CRACR2A: variants seen among roughly 807,000 people sequenced by gnomAD.
The protein encoded by CRACR2A is calcium release activated channel regulator 2A.
CRACR2A carries 79 observed loss-of-function variants against 90.5 expected under a neutral mutation model. The observed-to-expected ratio is 0.87, with a 90% CI of 0.73 to 1.05. The LOEUF (loss-of-function observed/expected upper bound fraction) is 1.05. CRACR2A is among the 50% of genes least tolerant of loss of function. The pLI is 0.00. For missense variants in CRACR2A, 823 were observed against 897.2 expected, an observed-to-expected ratio of 0.92 and a Z score of 1.06; for synonymous variants, 338 against 356.7, an observed-to-expected ratio of 0.95 and a Z score of 0.59.
At chr12:3,733,990 A>G (rs1221042109) in intron 1 of CRACR2A, among the ~76,000 whole-genome samples, 1 of 15,288 alleles carries the variant, frequency 6.5e-5, no homozygotes, top group Admixed American at 8.6e-4. Context: ...TTTTTTTTTG[A>G]GATGGAGTCT....
chr12:3,744,194 C>A (rs1946573857), intron 1 of CRACR2A, among the ~76,000 whole-genome samples: 1 of 152,222 alleles, frequency 6.6e-6, no homozygotes, highest in African/African-American at 2.4e-5. Context: ...CTCACACTTT[C>A]ATAGTATGTG....
Position 3,696,689 on chromosome 12 carries a change from A to G in CRACR2A, c.228+83T>C, listed in dbSNP as rs1945745229. 4.4e-6 allele frequency: 7 copies of G among 1,581,286 alleles called. No homozygotes were observed. In the South Asian group the frequency reaches 8.0e-5, roughly 18 times the overall value. ...TGGCATCTTTTCTGTTAAGGATGTC[A>G]CCTCCCACGGGGCAAGCTCTAACCC... On this transcript the variant is annotated intron_variant, in intron 4 of 19. Coordinates refer to ENST00000440314, the MANE Select transcript of CRACR2A (RefSeq NM_001144958.2).
At chr12:3,631,080 T>C (rs1246707786) in intron 15 of CRACR2A, among the ~76,000 whole-genome samples, 1 of 152,166 alleles carries the variant, frequency 6.6e-6, no homozygotes, top group Non-Finnish European at 1.5e-5. Flanking sequence ...GGGGGCAGCC[T>C]GCAGGTGGCT....
At chr12:3,627,040 G>A (rs74055934) in intron 17 of CRACR2A, among the ~76,000 whole-genome samples, 8 of 152,122 alleles carry the variant, frequency 5.3e-5, no homozygotes, top group African/African-American at 1.7e-4. Context: ...GGGGAGAGAC[G>A]CTGGTGAGAA....
chr12:3,695,766 G>C (rs1229844095), intron 4 of CRACR2A, among the ~76,000 whole-genome samples: 3 of 152,332 alleles, frequency 2.0e-5, no homozygotes, highest in Middle Eastern at 3.4e-3. Flanking sequence ...GTGACACAAA[G>C]ACTCAGGGGA....
intron 2 of CRACR2A, among the ~76,000 whole-genome samples, chr12:3,718,246 G>A (rs1045592383): frequency 2.6e-5 from 4 of 152,088 alleles, no homozygotes; most frequent in Admixed American, 6.5e-5. Flanking sequence ...TTGTTCCCTC[G>A]CCTGAACCCA....
intron 14 of CRACR2A, among the ~76,000 whole-genome samples, chr12:3,635,824 C>T (rs1944445106): frequency 6.6e-6 from 1 of 151,964 alleles, no homozygotes; most frequent in African/African-American, 2.4e-5. Context: ...CCATGGCCTC[C>T]CAAAGTGCTG....
chr12:3,720,416 G>GGAGAAAGAAAGAAAGA (rs1555119070), intron 2 of CRACR2A, among the ~76,000 whole-genome samples: 2 of 106,634 alleles, frequency 1.9e-5, no homozygotes, highest in African/African-American at 3.7e-5. Flanking sequence ...TGAGAGAGAG[G>GGAGAAAGAAAGAAAGA]AAGAAAGAAA....
chr12:3,630,342 A>AT (rs1265151159), intron 15 of CRACR2A, among the ~76,000 whole-genome samples: 6 of 152,114 alleles, frequency 3.9e-5, no homozygotes, highest in African/African-American at 1.4e-4. Flanking sequence ...ACCTTTCTCG[A>AT]GGTGACAGCC....
intron 3 of CRACR2A, among the ~76,000 whole-genome samples, chr12:3,712,697 T>A (rs868837083): frequency 5.0e-4 from 76 of 152,110 alleles, no homozygotes; most frequent in African/African-American, 1.6e-3. Context: ...ATATCCAAAC[T>A]ATTACTATAT....
Position 3,680,289 on chromosome 12 carries a change from C to A in CRACR2A, c.289G>T (p.Asp97Tyr). 1 of 1,614,204 alleles carries A rather than the reference C, an allele frequency of 6.2e-7. No individual in the cohort carries two copies. The highest frequency in any genetic ancestry group is 1.1e-5 in the South Asian group (1 of 91,082). Residue 97 changes from aspartate (D) to tyrosine (Y), a missense_variant, in exon 5 of 20, where the codon GAT becomes TAT. Coordinates refer to ENST00000440314, the MANE Select transcript of CRACR2A (RefSeq NM_001144958.2). ...EELEDVFDAL[D>Y]ADGNGYLTPQ... ...GTCAGATAGCCATTGCCATCAGCATCCAGGGCATCAAACACATCCTCCAGT... is the reference window on the plus strand; with the variant it reads ...GTCAGATAGCCATTGCCATCAGCATACAGGGCATCAAACACATCCTCCAGT...
At chr12:3,671,306 A>G (rs1049373007) in intron 7 of CRACR2A, among the ~76,000 whole-genome samples, 1 of 152,150 alleles carries the variant, frequency 6.6e-6, no homozygotes, top group Admixed American at 6.5e-5. Flanking sequence ...AGGCTCCTCC[A>G]GGTGATCAGT....
chr12:3,706,556 T>C (rs1945925181), intron 3 of CRACR2A, among the ~76,000 whole-genome samples: 1 of 152,198 alleles, frequency 6.6e-6, no homozygotes, highest in South Asian at 2.1e-4. Context: ...TTCATTTTCC[T>C]CATCTGTAAA....
chr12:3,707,974 G>A (rs1446460741), intron 3 of CRACR2A, among the ~76,000 whole-genome samples: 1 of 152,240 alleles, frequency 6.6e-6, no homozygotes, highest in Non-Finnish European at 1.5e-5. Context: ...GCAGATCAGT[G>A]TGATGTATCT....
At chr12:3,629,798 A>C (rs1251636946) in intron 15 of CRACR2A, among the ~76,000 whole-genome samples, 5 of 141,972 alleles carry the variant, frequency 3.5e-5, no homozygotes, top group Admixed American at 1.4e-4. Context: ...CCGAGGAAGC[A>C]GATAAACAGG....
rs1357244764 is a variant in CRACR2A at position 3,680,229 on chromosome 12, A to C, written c.340+9T>G. On this transcript the variant is annotated intron_variant, in intron 5 of 19. Coordinates refer to ENST00000440314, the MANE Select transcript of CRACR2A (RefSeq NM_001144958.2). Reference sequence around the variant, plus strand: ...AACCCTGAGGTCCCCAGCACCCATCAGAACTTACTAAATCCAGTAGTGAAC... The same window carrying C: ...AACCCTGAGGTCCCCAGCACCCATCCGAACTTACTAAATCCAGTAGTGAAC... The C allele has an allele frequency of 6.2e-7, 1 of 1,611,806 alleles. No individual in the cohort carries two copies. The highest frequency in any genetic ancestry group is 8.5e-7 in the Non-Finnish European group (1 of 1,178,002).
intron 17 of CRACR2A, among the ~76,000 whole-genome samples, chr12:3,622,741 T>C (rs1944172043): frequency 6.6e-6 from 1 of 152,150 alleles, no homozygotes; most frequent in South Asian, 2.1e-4. Context: ...AAAAATTTTT[T>C]CAGCACATTA....
At chr12:3,687,442 T>C (rs146054693) in intron 4 of CRACR2A, among the ~76,000 whole-genome samples, 1 of 152,236 alleles carries the variant, frequency 6.6e-6, no homozygotes, top group African/African-American at 2.4e-5. Context: ...AGTAGGAACA[T>C]GTGGTATTTG....
chr12:3,637,656 G>A lies in CRACR2A; in HGVS notation c.1602+468C>T, dbSNP rs150499932. Among the ~76,000 whole-genome samples the A allele has an allele frequency of 1.2e-3, 186 of 150,794 alleles. 1 individual carries two copies. The highest frequency in any genetic ancestry group is 4.4e-3 in the African/African-American group (178 of 40,812). On this transcript the variant is annotated intron_variant, in intron 14 of 19. Coordinates refer to ENST00000440314, the MANE Select transcript of CRACR2A (RefSeq NM_001144958.2). ...CCCCTTTCCCTCCACTTTCTTTTAC[G>A]TGCCCACCCTATCTAAAAAAAAAAA... is the stretch of plus-strand genomic sequence containing the variant.
Sources: allele counts gnomAD v4.1 joint callset (sites outside exome capture counted in the v4.1 genomes callset), GRCh38; gene constraint gnomAD v4.1.1; transcripts MANE v1.5; gene names NCBI Gene and HGNC (gene_info 2026-07-23, HGNC 2026-07-21).